SIN3B: variants seen among roughly 807,000 people sequenced by gnomAD.
The protein encoded by SIN3B is SIN3 transcription regulator family member B, also known as paired amphipathic helix protein Sin3b.
Under a neutral mutation model 120.2 loss-of-function variants are expected in SIN3B, and 19 were observed. The ratio of observed to expected loss-of-function variants is 0.16; its 90% CI spans 0.11 to 0.23. SIN3B has a LOEUF of 0.23. Ranked by LOEUF, SIN3B falls within the 10% of genes least tolerant of loss-of-function variation. The pLI is 1.00. For missense variants in SIN3B, 1,073 were observed against 1,573.0 expected (o/e 0.68, Z 5.38); for synonymous variants, 654 against 653.2 (o/e 1.00, Z -0.02).
chr19:16,859,710 G>A (rs568607239), intron 8 of SIN3B, among the ~76,000 whole-genome samples: 25 of 152,288 alleles, frequency 1.6e-4, no homozygotes, highest in Non-Finnish European at 3.2e-4. Flanking sequence ...CGTGGGTGGT[G>A]GGCACACGGC....
chr19:16,830,290 G>T (rs992820944), intron 2 of SIN3B, among the ~76,000 whole-genome samples: 7 of 152,054 alleles, frequency 4.6e-5, no homozygotes, highest in Non-Finnish European at 1.0e-4. Flanking sequence ...GAAATTTTTG[G>T]CACCCTCTTC....
In SIN3B at chr19:16,842,904, C is replaced by T. The variant is rs560091871; in HGVS notation, c.582+936C>T. On this transcript the variant is annotated intron_variant, in intron 4 of 18. Coordinates refer to ENST00000248054, the MANE Select transcript of SIN3B (RefSeq NM_001297595.2). The stretch of plus-strand genomic sequence containing the variant: ...TTAGCCTGGAGGAAGGGTGGACATT[C>T]TTGGTGCCAGGAATGGCCTGTGCAA... Among the ~76,000 whole-genome samples, 3 of 152,298 alleles carry T rather than the reference C, an allele frequency of 2.0e-5. No homozygotes were observed. In the East Asian group the frequency reaches 5.8e-4, roughly 29 times the overall value.
Position 16,863,551 on chromosome 19 carries a change from T to C in SIN3B, c.1267-129T>C. 4.4e-6 allele frequency: 3 copies of C among 685,316 alleles called. No homozygotes were observed. The South Asian group carries it at 5.3e-5, about 12-fold the overall frequency. The allele number at this position is 685,316 out of a possible 1,614,324, so 42.5% of individuals were successfully genotyped here. ...CTTAAAAACTTTATGCACCTTCCCA[T>C]TTGTATAAGGCAGTTGGTATTATGT... On this transcript the variant is annotated intron_variant, in intron 9 of 18. Coordinates refer to ENST00000248054, the MANE Select transcript of SIN3B (RefSeq NM_001297595.2).
rs1457071804 is a variant in SIN3B, at chr19:16,862,128, G to A, written c.1059-224G>A. ...TATGGGATTAATAGGCACAGGAAGG[G>A]ACCTGGTGTGTGACAGATGGGTGGG... On this transcript the variant is annotated intron_variant, in intron 8 of 18. Coordinates refer to ENST00000248054, the MANE Select transcript of SIN3B (RefSeq NM_001297595.2). The surrounding 1 kb of genome is among the most constrained non-coding windows in gnomAD (Gnocchi z 4.7). 6.6e-6 allele frequency among the ~76,000 whole-genome samples: 1 copy of A among 152,156 alleles called. No homozygotes were observed. Among genetic ancestry groups the A allele is most frequent in the Non-Finnish European group, 1.5e-5 (1 of 68,040 alleles).
rs1453118505 is a variant in SIN3B, at chr19:16,880,245, C to T, written c.*1518C>T. ...TTCTAGGGAGCGCCTCTTTTCCGTT[C>T]TTGAGGAATTTCTGTTCTGGGGCTT... On this transcript the variant is annotated 3_prime_UTR_variant, in exon 19 of 19. Coordinates refer to ENST00000248054, the MANE Select transcript of SIN3B (RefSeq NM_001297595.2). 1.3e-5 allele frequency: 2 copies of T among 152,248 alleles called. No individual in the cohort carries two copies. Among genetic ancestry groups the T allele is most frequent in the Admixed American group, 6.5e-5 (1 of 15,292 alleles). 9.4% of individuals were successfully genotyped at this position (152,248 alleles called of 1,614,324 possible).
Position 16,847,003 on chromosome 19 carries a change from C to A in SIN3B, c.616C>A (p.Arg206=), listed in dbSNP as rs745628580. The A allele has an allele frequency of 1.9e-6, 3 of 1,614,144 alleles. No homozygotes were observed. In the South Asian group the frequency reaches 3.3e-5, roughly 18 times the overall value. The part of the protein sequence containing the change: ...EQLNTRGRPF[R]GMSEEEVFTE... ...GCTGAACACGAGGGGCCGGCCATTC[C>A]GAGGCATGTCTGAAGAGGAGGTGTT... Residue 206 remains arginine (R), a synonymous_variant, in exon 5 of 19, where the codon CGA becomes AGA. Coordinates refer to ENST00000248054, the MANE Select transcript of SIN3B (RefSeq NM_001297595.2).
intron 10 of SIN3B, 103 bp from the exon 11 acceptor site, chr19:16,865,307 C>G (rs115771834): frequency 3.4e-6 from 1 of 297,386 alleles, no homozygotes; most frequent in Non-Finnish European, 6.1e-6. Context: ...AATACACACA[C>G]CCCCCCCCCA....
At chr19:16,860,330 C>G (rs1036172416) in intron 8 of SIN3B, among the ~76,000 whole-genome samples, 1 of 152,204 alleles carries the variant, frequency 6.6e-6, no homozygotes, top group African/African-American at 2.4e-5. Context: ...CAGGGTGGAT[C>G]GGGTTGAGCA....
At chr19:16,870,505 C>T (rs762839792) in intron 13 of SIN3B, among the ~76,000 whole-genome samples, 1 of 152,148 alleles carries the variant, frequency 6.6e-6, no homozygotes, top group Admixed American at 6.5e-5. Context: ...CTGCCTTAGC[C>T]TCCCAAGTAG....
intron 12 of SIN3B, among the ~76,000 whole-genome samples, chr19:16,867,301 G>A (rs925340521): frequency 6.6e-6 from 1 of 152,234 alleles, no homozygotes; most frequent in Non-Finnish European, 1.5e-5. Context: ...TGGGCTGGTC[G>A]CAGGGGGCCA....
chr19:16,866,299 A>G lies in SIN3B; in HGVS notation c.1623-74A>G, dbSNP rs978398189. Reference sequence around the variant, plus strand: ...ACCCCCAGTCAAGTCCCAGAGGAAGACAGGCCAGCCCTGGGATGCTTCAGG... The same window carrying G: ...ACCCCCAGTCAAGTCCCAGAGGAAGGCAGGCCAGCCCTGGGATGCTTCAGG... On this transcript the variant is annotated intron_variant, in intron 11 of 18. Coordinates refer to ENST00000248054, the MANE Select transcript of SIN3B (RefSeq NM_001297595.2). The G allele has an allele frequency of 1.7e-5, 25 of 1,461,114 alleles. No individual in the cohort carries two copies. The African/African-American group carries it at 3.4e-4, about 20-fold the overall frequency. The allele number at this position is 1,461,114 out of a possible 1,614,324, so 90.5% of individuals were successfully genotyped here. A position where few individuals can be genotyped will look rare whatever the true frequency, so the allele number is the denominator to read the frequency against.
rs376892309 is a variant in SIN3B at position 16,878,692 on chromosome 19, C to T, written c.3358C>T (p.Arg1120Cys). 96 of 1,611,202 alleles carry T rather than the reference C, an allele frequency of 6.0e-5. 2 individuals carry two copies. The highest frequency in any genetic ancestry group is 2.1e-4 in the South Asian group (19 of 90,850). ...HVHGLPVTRY[R>C]VQYSRRPASP Reference sequence around the variant, plus strand: ...GCACGGCCTGCCCGTGACCCGCTACCGCGTGCAGTACAGCCGCCGCCCGGC... The same window carrying T: ...GCACGGCCTGCCCGTGACCCGCTACTGCGTGCAGTACAGCCGCCGCCCGGC... Residue 1120 changes from arginine (R) to cysteine (C), a missense_variant, in exon 19 of 19, where the codon CGC (arginine) becomes TGC (cysteine). Physicochemically the swap from Arg to Cys is radical, Grantham distance 180. Coordinates refer to ENST00000248054, the MANE Select transcript of SIN3B (RefSeq NM_001297595.2).
At chr19:16,855,130 C>T (rs1971594860) in intron 8 of SIN3B, 1 of 152,206 alleles carries the variant, frequency 6.6e-6, no homozygotes, top group African/African-American at 2.4e-5. Context: ...CCGTGTTCCT[C>T]ATACACGTCT....
chr19:16,851,351 G>T, intron 5 of SIN3B, 61 bp from the exon 6 acceptor site: 1 of 1,500,048 alleles, frequency 6.7e-7, no homozygotes. Flanking sequence ...AGCTCTGCAT[G>T]CTCAGGTGCA....
chr19:16,857,541 GT>G (rs1971632625), intron 8 of SIN3B, among the ~76,000 whole-genome samples: 1 of 141,490 alleles, frequency 7.1e-6, no homozygotes, highest in Non-Finnish European at 1.5e-5. Context: ...GTGTGTGTGT[GT>G]GTGTGTGTGT....
At chr19:16,831,905 G>A (rs1174174783) in intron 3 of SIN3B, among the ~76,000 whole-genome samples, 3 of 152,166 alleles carry the variant, frequency 2.0e-5, no homozygotes, top group East Asian at 1.9e-4. Context: ...TCCTAACGCA[G>A]AATTTTGTGT....
chr19:16,844,829 G>A (rs1177927355), intron 4 of SIN3B, among the ~76,000 whole-genome samples: 1 of 152,232 alleles, frequency 6.6e-6, no homozygotes, highest in Non-Finnish European at 1.5e-5. Context: ...GTGGCAGCCT[G>A]TGAATTATGT....
chr19:16,839,970 C>T (rs1599590939), intron 3 of SIN3B, among the ~76,000 whole-genome samples: 1 of 152,288 alleles, frequency 6.6e-6, no homozygotes, highest in Admixed American at 6.5e-5. Context: ...TACCACTGCA[C>T]TCCAGCCTGG....
chr19:16,845,053 A>T (rs1971462917), intron 4 of SIN3B, among the ~76,000 whole-genome samples: 1 of 152,194 alleles, frequency 6.6e-6, no homozygotes, highest in South Asian at 2.1e-4. Context: ...AAGAGAAGCA[A>T]ACAGAAAATT....
Sources: gnomAD v4.1 joint callset for allele counts (sites outside exome capture counted in the v4.1 genomes callset) on GRCh38, gnomAD v4.1.1 for gene constraint, Gnocchi (gnomAD v3.1) non-coding constraint, MANE v1.5 for transcripts, NCBI Gene and HGNC (gene_info 2026-07-23, HGNC 2026-07-21) for gene names.